PTPRK: variants seen among roughly 807,000 people sequenced by gnomAD.
PTPRK encodes the protein protein tyrosine phosphatase receptor type K, also known as receptor-type tyrosine-protein phosphatase kappa.
Under a neutral mutation model 178.0 loss-of-function variants are expected in PTPRK, and 75 were observed. The ratio of observed to expected loss-of-function variants is 0.42; its 90% CI spans 0.35 to 0.51. The LOEUF is 0.51. PTPRK is among the 20% of genes least tolerant of loss of function. The pLI is 0.02. For synonymous variants in PTPRK, 637 were observed against 620.6 expected, an observed-to-expected ratio of 1.03 and a Z score of -0.39; for missense variants, 1,441 against 1,797.8, an observed-to-expected ratio of 0.80 and a Z score of 3.59.
intron 11 of PTPRK, among the ~76,000 whole-genome samples, chr6:128,075,709 G>A (rs1582874856): frequency 6.6e-6 from 1 of 151,946 alleles, no homozygotes; most frequent in Non-Finnish European, 1.5e-5. Context: ...AGAATCCATT[G>A]GCGATTTTAG....
Position 128,519,318 on chromosome 6 carries a change from G to A in PTPRK, c.100+941C>T, listed in dbSNP as rs912443014. On this transcript the variant is annotated intron_variant, in intron 1 of 29. Coordinates refer to ENST00000368226, the MANE Select transcript of PTPRK (RefSeq NM_002844.4). This position sits in a 1 kb window ranked among gnomAD's most constrained non-coding sequence, Gnocchi z 4.3. ...GGAGGGGAACAGAGGGCGGGACCGG[G>A]AGAGCCAGGGTTCACGGACTTCTCT... 2.0e-5 allele frequency among the ~76,000 whole-genome samples: 3 copies of A among 152,236 alleles called. No individual in the cohort carries two copies. Among genetic ancestry groups the A allele is most frequent in the South Asian group, 2.1e-4 (1 of 4,828 alleles).
intron 11 of PTPRK, among the ~76,000 whole-genome samples, chr6:128,073,529 T>C (rs1219741111): frequency 1.3e-5 from 2 of 151,972 alleles, no homozygotes; most frequent in African/African-American, 4.8e-5. Context: ...TCTTCCTGCA[T>C]AACATATTAC....
chr6:128,226,474 A>G (rs555800665), intron 5 of PTPRK, among the ~76,000 whole-genome samples: 1 of 152,244 alleles, frequency 6.6e-6, no homozygotes, highest in Non-Finnish European at 1.5e-5. Context: ...TAAAATCCAT[A>G]ATCTAGTAAA....
intron 7 of PTPRK, among the ~76,000 whole-genome samples, chr6:128,163,817 A>G (rs548244305): frequency 4.0e-5 from 6 of 151,654 alleles, no homozygotes; most frequent in African/African-American, 1.4e-4. Flanking sequence ...GTAATGTGAT[A>G]TAAGAATATC....
At chr6:128,060,932 C>T (rs932141753) in intron 13 of PTPRK, among the ~76,000 whole-genome samples, 1 of 152,134 alleles carries the variant, frequency 6.6e-6, no homozygotes. Flanking sequence ...GCAGACAGTA[C>T]TGTAACCTGT....
At chr6:128,432,572 T>A (rs1438950033) in intron 1 of PTPRK, among the ~76,000 whole-genome samples, 1 of 152,228 alleles carries the variant, frequency 6.6e-6, no homozygotes, top group Non-Finnish European at 1.5e-5. Flanking sequence ...AATATGCCTA[T>A]GTCCCTGTTT....
intron 13 of PTPRK, among the ~76,000 whole-genome samples, chr6:128,046,896 A>G (rs1778114563): frequency 2.0e-5 from 3 of 152,202 alleles, no homozygotes. Context: ...CTTGACAGAT[A>G]AACTGTTCTT....
At chr6:128,418,100 T>A (rs74863805) in intron 1 of PTPRK, among the ~76,000 whole-genome samples, 3 of 152,222 alleles carry the variant, frequency 2.0e-5, no homozygotes, top group Admixed American at 2.0e-4. Context: ...TTTTTGCCAA[T>A]GCTAGGCTTT....
At chr6:128,019,967 G>A (rs752699124) in intron 13 of PTPRK, among the ~76,000 whole-genome samples, 13 of 152,248 alleles carry the variant, frequency 8.5e-5, no homozygotes, top group Non-Finnish European at 1.8e-4. Context: ...TGTCTATGTA[G>A]TAGGTGCAAA....
At chr6:128,117,881 G>A (rs1022271468) in intron 7 of PTPRK, among the ~76,000 whole-genome samples, 1 of 152,140 alleles carries the variant, frequency 6.6e-6, no homozygotes, top group Non-Finnish European at 1.5e-5. Context: ...TCGAACTCCT[G>A]ACCTCAGGCA....
At chr6:127,971,101 C>T (rs1345018482) in intron 29 of PTPRK, among the ~76,000 whole-genome samples, 1 of 152,082 alleles carries the variant, frequency 6.6e-6, no homozygotes, top group African/African-American at 2.4e-5. Flanking sequence ...CCTACTTATA[C>T]CTGAAAATGT....
chr6:127,996,223 C>T (rs1005480133), intron 17 of PTPRK, among the ~76,000 whole-genome samples: 1 of 151,992 alleles, frequency 6.6e-6, no homozygotes, highest in African/African-American at 2.4e-5. Context: ...GAATTAAAGG[C>T]ACGTGGAAAG....
At chr6:128,111,901 C>A (rs1266290427) in intron 7 of PTPRK, among the ~76,000 whole-genome samples, 2 of 152,168 alleles carry the variant, frequency 1.3e-5, no homozygotes, top group Admixed American at 6.5e-5. Context: ...TTTCCAGAAC[C>A]TAACATGATA....
Position 128,006,933 on chromosome 6 carries a change from C to T in PTPRK, c.2334-1689G>A, listed in dbSNP as rs915925103. Among the ~76,000 whole-genome samples the T allele has an allele frequency of 4.0e-5, 6 of 150,690 alleles. No individual in the cohort carries two copies. The South Asian group carries it at 6.2e-4, about 16-fold the overall frequency. ...ACCAAAAAGACATGGAACTGTTTTC[C>T]GCATAAGAAATATATCTACATGTAT... is the stretch of plus-strand genomic sequence containing the variant. On this transcript the variant is annotated intron_variant, in intron 14 of 29. Transcript: ENST00000368226.
chr6:128,355,098 ATTC>A (rs1833777405), intron 2 of PTPRK, among the ~76,000 whole-genome samples: 1 of 152,234 alleles, frequency 6.6e-6, no homozygotes, highest in Admixed American at 6.5e-5. Flanking sequence ...TAACTCTAAA[ATTC>A]TTAAGAGTAT....
At chr6:128,417,163 T>C (rs1842945255) in intron 1 of PTPRK, among the ~76,000 whole-genome samples, 1 of 151,990 alleles carries the variant, frequency 6.6e-6, no homozygotes. Flanking sequence ...TCCTTTTTTT[T>C]CTTGAGCTAA....
rs550746210 is a variant in PTPRK at position 128,386,056 on chromosome 6, A to G, written c.223+11510T>C. ...TGTTCTGTTTTTTTGATTGGTATAT[A>G]TAATAATAAAGCTTTTTATTTATCT... On this transcript the variant is annotated intron_variant, in intron 2 of 29. Transcript: ENST00000368226. Among the ~76,000 whole-genome samples the G allele has an allele frequency of 3.7e-3, 558 of 152,308 alleles. 3 individuals carry two copies. The highest frequency in any genetic ancestry group is 5.8e-3 in the Non-Finnish European group (397 of 68,032).
chr6:127,987,574 G>A (rs1194462834), intron 21 of PTPRK, among the ~76,000 whole-genome samples: 4 of 151,798 alleles, frequency 2.6e-5, no homozygotes, highest in African/African-American at 9.7e-5. Flanking sequence ...TGCAGATTTG[G>A]TCATTTAAAT....
chr6:128,242,159 A>T (rs1427920812), intron 4 of PTPRK, among the ~76,000 whole-genome samples: 3 of 151,960 alleles, frequency 2.0e-5, no homozygotes, highest in Admixed American at 2.0e-4. Context: ...AGGCTTCTTT[A>T]TATTTTCCTT....
Sources: allele counts gnomAD v4.1 joint callset (sites outside exome capture counted in the v4.1 genomes callset), GRCh38; gene constraint gnomAD v4.1.1; non-coding constraint Gnocchi (gnomAD v3.1); transcripts MANE v1.5; gene names NCBI Gene and HGNC (gene_info 2026-07-23, HGNC 2026-07-21).